CNOT4: variants seen among roughly 807,000 people sequenced by gnomAD.
CNOT4 encodes CCR4-NOT transcription complex subunit 4.
A neutral mutation model predicts 73.8 loss-of-function variants in CNOT4; 8 were observed. That is an observed-to-expected ratio of 0.11 (90% CI 0.06 to 0.20). The LOEUF is 0.20. Ranked by LOEUF, CNOT4 falls within the 10% of genes least tolerant of loss-of-function variation. The pLI, the probability that CNOT4 is intolerant of heterozygous loss-of-function variation, is 1.00. For synonymous variants in CNOT4, 293 were observed against 321.1 expected, an observed-to-expected ratio of 0.91 and a Z score of 0.94; for missense variants, 564 against 883.4, an observed-to-expected ratio of 0.64 and a Z score of 4.58.
chr7:135,441,117 C>T (rs1050919491), intron 1 of CNOT4, among the ~76,000 whole-genome samples: 4 of 151,936 alleles, frequency 2.6e-5, no homozygotes, highest in Non-Finnish European at 4.4e-5. Context: ...ATATTTGTTT[C>T]GCTAAGAAAA....
chr7:135,500,981 AC>A (rs1290272473), intron 1 of CNOT4, among the ~76,000 whole-genome samples: 3 of 140,408 alleles, frequency 2.1e-5, no homozygotes, highest in Non-Finnish European at 3.1e-5. Context: ...TTTCTACTAA[AC>A]CTTTTTTTTT....
chr7:135,366,115 C>G (rs891503297), intron 10 of CNOT4, among the ~76,000 whole-genome samples: 4 of 152,128 alleles, frequency 2.6e-5, no homozygotes, highest in African/African-American at 9.7e-5. Flanking sequence ...GATCTTACAC[C>G]GAGTGGCTAA....
At chr7:135,420,120 C>A (rs1798100770) in intron 3 of CNOT4, among the ~76,000 whole-genome samples, 1 of 151,934 alleles carries the variant, frequency 6.6e-6, no homozygotes. Flanking sequence ...TCAGTCTATG[C>A]CTTAATTTCA....
intron 10 of CNOT4, among the ~76,000 whole-genome samples, chr7:135,380,120 T>TGG (rs1209355822): frequency 2.0e-5 from 3 of 151,430 alleles, no homozygotes; most frequent in Non-Finnish European, 4.4e-5. Context: ...CTTCCTTGAT[T>TGG]GGGGAAAAAA....
intron 10 of CNOT4, among the ~76,000 whole-genome samples, chr7:135,378,258 C>T (rs1324645798): frequency 6.6e-6 from 1 of 152,112 alleles, no homozygotes; most frequent in Non-Finnish European, 1.5e-5. Flanking sequence ...AATCCCAGCA[C>T]TTTGGGAGGC....
intron 1 of CNOT4, among the ~76,000 whole-genome samples, chr7:135,501,323 T>C (rs1338323488): frequency 6.6e-6 from 1 of 152,130 alleles, no homozygotes; most frequent in Admixed American, 6.6e-5. Flanking sequence ...AGTAATCATC[T>C]ATCACTTTCT....
chr7:135,453,512 A>C (rs965781819), intron 1 of CNOT4, among the ~76,000 whole-genome samples: 3 of 151,870 alleles, frequency 2.0e-5, no homozygotes, highest in African/African-American at 7.3e-5. Flanking sequence ...CATGGAAAGC[A>C]TTGATTCATA....
intron 1 of CNOT4, among the ~76,000 whole-genome samples, chr7:135,473,647 T>A (rs1022229262): frequency 6.6e-6 from 1 of 152,084 alleles, no homozygotes; most frequent in Non-Finnish European, 1.5e-5. Flanking sequence ...CTTGGGAGGC[T>A]AAGGTGAGAA....
At chr7:135,414,895 A>G (rs1417808171) in intron 4 of CNOT4, among the ~76,000 whole-genome samples, 1 of 152,038 alleles carries the variant, frequency 6.6e-6, no homozygotes, top group Admixed American at 6.6e-5. Flanking sequence ...TCACTATCGA[A>G]TCCTCATCTA....
intron 7 of CNOT4, among the ~76,000 whole-genome samples, chr7:135,402,793 A>G (rs1360421732): frequency 6.6e-6 from 1 of 152,242 alleles, no homozygotes; most frequent in Non-Finnish European, 1.5e-5. Context: ...TTGGATTTGT[A>G]GATGTTCAGC....
At position 135,444,611 on chromosome 7, in the gene CNOT4, G is replaced by A. The variant is rs181515942; in HGVS notation, c.-92-6188C>T. 6.4e-5 allele frequency: 84 copies of A among 1,311,488 alleles called. 1 individual carries two copies. In the Admixed American group the frequency reaches 6.9e-4, roughly 11 times the overall value. 81.2% of individuals were successfully genotyped at this position (1,311,488 alleles called of 1,614,324 possible). On this transcript the variant is annotated intron_variant, in intron 1 of 11. Transcript: ENST00000541284. ...GAGTACAGCACATACACTTGTCACC[G>A]AGCCACCATTCTGGTTCCAAGGCTG... is the stretch of plus-strand genomic sequence containing the variant.
chr7:135,416,824 T>C (rs1371105203), intron 3 of CNOT4, among the ~76,000 whole-genome samples: 1 of 152,158 alleles, frequency 6.6e-6, no homozygotes, highest in Non-Finnish European at 1.5e-5. Context: ...GAGAGTCTAC[T>C]GGTGTTCAGT....
chr7:135,482,061 T>C (rs1802413990), intron 1 of CNOT4, among the ~76,000 whole-genome samples: 1 of 152,190 alleles, frequency 6.6e-6, no homozygotes, highest in Non-Finnish European at 1.5e-5. Flanking sequence ...AAGTACTGTG[T>C]ATTTCAAAGT....
rs1254115212 is a variant in CNOT4, at chr7:135,438,297, A to G, written c.35T>C (p.Val12Ala). 1.9e-6 allele frequency: 3 copies of G among 1,613,660 alleles called. No homozygotes were observed. The highest frequency in any genetic ancestry group is 2.2e-5 in the South Asian group (2 of 90,976). The change falls in exon 2 of 12, where the codon GTG (valine) becomes GCG (alanine). Residue 12 changes from valine to alanine, a missense_variant. Physicochemically the swap from Val to Ala is moderately conservative, Grantham distance 64 (BLOSUM62 0). This residue lies in a region of CNOT4 where 76 missense variants were observed against 208.7 expected (regional missense o/e 0.36). Transcript: ENST00000541284. ...SRSPDAKEDP[V>A]ECPLCMEPLE... Reference sequence around the variant, plus strand: ...GGGCTCCATGCAAAGAGGGCACTCCACAGGGTCTTCCTTCGCATCAGGACT... The same window carrying G: ...GGGCTCCATGCAAAGAGGGCACTCCGCAGGGTCTTCCTTCGCATCAGGACT...
At chr7:135,427,611 T>A (rs1200484520) in intron 2 of CNOT4, among the ~76,000 whole-genome samples, 1 of 152,250 alleles carries the variant, frequency 6.6e-6, no homozygotes, top group African/African-American at 2.4e-5. Context: ...TGGAAGACCA[T>A]AATTTATGTA....
intron 3 of CNOT4, 75 bp from the exon 4 acceptor site, chr7:135,415,337 TC>T: frequency 2.9e-6 from 2 of 701,414 alleles, no homozygotes; most frequent in Non-Finnish European, 4.9e-6. Context: ...GAGACATTCA[TC>T]ATCCCTCTTC....
chr7:135,418,588 C>A (rs1040278925), intron 3 of CNOT4, among the ~76,000 whole-genome samples: 1 of 152,120 alleles, frequency 6.6e-6, no homozygotes, highest in Non-Finnish European at 1.5e-5. Flanking sequence ...TGCCAATAAT[C>A]AACACAGAAT....
chr7:135,468,714 T>C (rs1044357685), intron 1 of CNOT4, among the ~76,000 whole-genome samples: 2 of 151,800 alleles, frequency 1.3e-5, no homozygotes, highest in African/African-American at 4.8e-5. Context: ...TTTACACATC[T>C]ATTCCTTCCC....
chr7:135,371,683 C>T (rs1448731416), intron 10 of CNOT4, among the ~76,000 whole-genome samples: 3 of 151,946 alleles, frequency 2.0e-5, no homozygotes, highest in East Asian at 3.8e-4. Context: ...ATCTAGATGG[C>T]TGCTTTATGA....
Sources: gnomAD v4.1 joint callset for allele counts (sites outside exome capture counted in the v4.1 genomes callset) on GRCh38, gnomAD v4.1.1 for gene constraint, gnomAD v4.1.1 regional missense constraint, MANE v1.5 for transcripts, NCBI Gene and HGNC (gene_info 2026-07-23, HGNC 2026-07-21) for gene names.